C1orf21: variants seen among roughly 807,000 people sequenced by gnomAD.
C1orf21 encodes uncharacterized protein C1orf21.
Under a neutral mutation model 18.7 loss-of-function variants are expected in C1orf21, and 3 were observed. The ratio of observed to expected loss-of-function variants is 0.16; its 90% CI spans 0.07 to 0.42. The LOEUF is 0.42. Among genes scored for constraint, C1orf21 ranks in the 10% least tolerant of loss-of-function variants. The probability of loss-of-function intolerance (pLI) is 0.99; values close to 1 mark genes in which losing one functional copy is unlikely to be tolerated. For missense variants in C1orf21, 104 were observed against 143.6 expected (o/e 0.72, Z 1.41); for synonymous variants, 41 against 46.4 (o/e 0.88, Z 0.47).
chr1:184,428,916 G>T (rs926496824), intron 1 of C1orf21, among the ~76,000 whole-genome samples: 6 of 152,070 alleles, frequency 3.9e-5, no homozygotes, highest in Admixed American at 2.0e-4. Context: ...AAAAGGATCT[G>T]GTCAGGAAAA....
chr1:184,501,497 C>A (rs1657976007), intron 2 of C1orf21, among the ~76,000 whole-genome samples: 1 of 152,172 alleles, frequency 6.6e-6, no homozygotes, highest in African/African-American at 2.4e-5. Flanking sequence ...TTATAACCAC[C>A]ACCCCCACAT....
Position 184,465,841 on chromosome 1 carries a change from T to C in C1orf21, c.-124-11545T>C, listed in dbSNP as rs187793079. ...TCACACCTTTAGTGCTCTATTCAGA[T>C]AAAAACTTCAAATTTTAATGTCTCA... On this transcript the variant is annotated intron_variant, in intron 1 of 5. Transcript: ENST00000235307. 2.0e-4 allele frequency among the ~76,000 whole-genome samples: 30 copies of C among 152,248 alleles called. No homozygotes were observed. In the East Asian group the frequency reaches 5.6e-3, roughly 28 times the overall value.
chr1:184,614,432 C>T (rs764414710), intron 5 of C1orf21, among the ~76,000 whole-genome samples: 7 of 152,132 alleles, frequency 4.6e-5, no homozygotes, highest in Non-Finnish European at 5.9e-5. Context: ...GGGCTGAATG[C>T]ATACATGTCT....
rs1660032219 is a variant in C1orf21 at position 184,627,362 on chromosome 1, CAT to C, written c.*7807_*7808del. On this transcript the variant is annotated 3_prime_UTR_variant, in exon 6 of 6. Transcript: ENST00000235307. ...TAGGAGAAAGGAAAAGAATTAGATG[CAT>C]CAGAATACCAGCTATAAGCCAACAC... is the stretch of plus-strand genomic sequence containing the variant. 6.6e-6 allele frequency: 1 copy of C among 151,980 alleles called. No individual in the cohort carries two copies. The highest frequency in any genetic ancestry group is 1.9e-4 in the East Asian group (1 of 5,190). The allele number at this position is 151,980 out of a possible 1,614,324, so 9.4% of individuals were successfully genotyped here. A position where few individuals can be genotyped will look rare whatever the true frequency, so the allele number is the denominator to read the frequency against.
intron 3 of C1orf21, among the ~76,000 whole-genome samples, chr1:184,590,343 A>G (rs1659420407): frequency 1.3e-5 from 2 of 152,202 alleles, no homozygotes; most frequent in African/African-American, 4.8e-5. Flanking sequence ...CAGTAAGTGC[A>G]GTTGTCTTTT....
At chr1:184,554,774 G>C (rs1204739982) in intron 3 of C1orf21, among the ~76,000 whole-genome samples, 1 of 152,150 alleles carries the variant, frequency 6.6e-6, no homozygotes, top group Non-Finnish European at 1.5e-5. Context: ...ATTAGGGACA[G>C]TCTCTTAAAA....
intron 4 of C1orf21, among the ~76,000 whole-genome samples, chr1:184,596,077 T>C (rs1400109693): frequency 6.6e-6 from 1 of 152,210 alleles, no homozygotes; most frequent in African/African-American, 2.4e-5. Context: ...GATAAGTGCA[T>C]TCTTGATCGC....
In C1orf21 at chr1:184,622,147, A is replaced by G. The variant is rs1386819949; in HGVS notation, c.*2591A>G. On this transcript the variant is annotated 3_prime_UTR_variant, in exon 6 of 6. Transcript: ENST00000235307. ...AGCAGATTGGCTCAGACACAATGAAAAGGATAATCCAATGTACGTGCTGGT... is the reference window on the plus strand; with the variant it reads ...AGCAGATTGGCTCAGACACAATGAAGAGGATAATCCAATGTACGTGCTGGT... The G allele has an allele frequency of 4.6e-5, 7 of 152,234 alleles. 1 individual carries two copies. Among genetic ancestry groups the G allele is most frequent in the Admixed American group, 2.6e-4 (4 of 15,288 alleles). The allele number at this position is 152,234 out of a possible 1,614,324, so 9.4% of individuals were successfully genotyped here.
chr1:184,484,689 A>G (rs539575087), intron 2 of C1orf21, among the ~76,000 whole-genome samples: 1 of 152,332 alleles, frequency 6.6e-6, no homozygotes, highest in South Asian at 2.1e-4. Context: ...TGATGTTTAT[A>G]AACATCCCTT....
intron 3 of C1orf21, 60 bp from the exon 4 acceptor site, chr1:184,590,679 C>A: frequency 6.7e-7 from 1 of 1,500,270 alleles, no homozygotes; most frequent in South Asian, 1.1e-5. Context: ...AAAACTCATA[C>A]ACTTGTTTAA....
intron 2 of C1orf21, among the ~76,000 whole-genome samples, chr1:184,501,068 C>G (rs923670968): frequency 6.6e-6 from 1 of 152,110 alleles, no homozygotes; most frequent in Non-Finnish European, 1.5e-5. Context: ...GGCAGAAAGC[C>G]CTGGATTAAG....
chr1:184,572,949 T>TC (rs1403353810), intron 3 of C1orf21, among the ~76,000 whole-genome samples: 1 of 88,650 alleles, frequency 1.1e-5, no homozygotes, highest in Non-Finnish European at 1.9e-5. Context: ...AGACTCCTTC[T>TC]CAAAAAAAAA....
chr1:184,511,558 T>A (rs1376475931), intron 3 of C1orf21, among the ~76,000 whole-genome samples: 1 of 152,152 alleles, frequency 6.6e-6, no homozygotes, highest in African/African-American at 2.4e-5. Context: ...TTTTTGTTGG[T>A]TTGAATGAAC....
chr1:184,546,717 C>T (rs10797976), intron 3 of C1orf21, among the ~76,000 whole-genome samples: 19,617 of 152,068 alleles, frequency 0.13, 1,394 homozygotes, highest in Middle Eastern at 0.18. Context: ...AAAAGCCATC[C>T]GCTCTCAGAG....
chr1:184,543,303 T>C (rs760464763), intron 3 of C1orf21, among the ~76,000 whole-genome samples: 1 of 151,858 alleles, frequency 6.6e-6, no homozygotes, highest in African/African-American at 2.4e-5. Context: ...TGAGCCATGA[T>C]CACCCAGCCT....
At chr1:184,526,957 G>A (rs892831952) in intron 3 of C1orf21, among the ~76,000 whole-genome samples, 6 of 152,156 alleles carry the variant, frequency 3.9e-5, no homozygotes, top group African/African-American at 1.2e-4. Flanking sequence ...CAGTAAGCAG[G>A]CAGTTTCCAT....
At chr1:184,512,440 C>T (rs1372880084) in intron 3 of C1orf21, among the ~76,000 whole-genome samples, 1 of 152,152 alleles carries the variant, frequency 6.6e-6, no homozygotes, top group African/African-American at 2.4e-5. Flanking sequence ...CAGGGCTGTG[C>T]AATGGAGAAG....
Position 184,433,133 on chromosome 1 carries a change from T to C in C1orf21, c.-124-44253T>C, listed in dbSNP as rs144120134. ...TGTGGCCATCCCCTGTTGGCCTCAG[T>C]GGTGTAGCAGGTCTGGCAGCTTTTC... On this transcript the variant is annotated intron_variant, in intron 1 of 5. Coordinates refer to ENST00000235307, the MANE Select transcript of C1orf21 (RefSeq NM_030806.4). Among the ~76,000 whole-genome samples, 182 of 152,284 alleles carry C rather than the reference T, an allele frequency of 1.2e-3. 2 individuals carry two copies. Among genetic ancestry groups the C allele is most frequent in the African/African-American group, 4.3e-3 (177 of 41,564 alleles).
chr1:184,616,404 AAAT>A (rs1258345830), intron 5 of C1orf21, among the ~76,000 whole-genome samples: 3 of 152,238 alleles, frequency 2.0e-5, no homozygotes, highest in African/African-American at 7.2e-5. Flanking sequence ...ATAGTACGTA[AAAT>A]AATATCTGCA....
Sources: gnomAD v4.1 joint callset for allele counts (sites outside exome capture counted in the v4.1 genomes callset) on GRCh38, gnomAD v4.1.1 for gene constraint, MANE v1.5 for transcripts, NCBI Gene and HGNC (gene_info 2026-07-23, HGNC 2026-07-21) for gene names.